The following NRXN3 variants were observed in gnomAD, a reference collection of about 807,000 sequenced individuals.
NRXN3 encodes neurexin III.
NRXN3 carries 32 observed loss-of-function variants against 137.6 expected under a neutral mutation model. The ratio of observed to expected loss-of-function variants is 0.23; its 90% confidence interval spans 0.18 to 0.31. The LOEUF is 0.31. NRXN3 is among the 10% of genes least tolerant of loss of function. The pLI, the probability that NRXN3 is intolerant of heterozygous loss-of-function variation, is 1.00. For synonymous variants in NRXN3, 798 were observed against 784.5 expected (o/e 1.02, Z -0.29); for missense variants, 1,574 against 2,062.5 (o/e 0.76, Z 4.59).
At chr14:78,253,114 G>A (rs1400780486) in intron 2 of NRXN3, among the ~76,000 whole-genome samples, 5 of 152,196 alleles carry the variant, frequency 3.3e-5, no homozygotes, top group Non-Finnish European at 7.3e-5. Context: ...CCCACAGTAT[G>A]TTTGCTCTGT....
chr14:79,030,342 A>G (rs2099605734), intron 15 of NRXN3, among the ~76,000 whole-genome samples: 1 of 151,826 alleles, frequency 6.6e-6, no homozygotes, highest in Admixed American at 6.6e-5. Flanking sequence ...TTCAGGATAG[A>G]CTGTTGTTAA....
At chr14:78,376,422 C>G (rs1233236856) in intron 4 of NRXN3, among the ~76,000 whole-genome samples, 1 of 152,164 alleles carries the variant, frequency 6.6e-6, no homozygotes, top group African/African-American at 2.4e-5. Flanking sequence ...TTTAAAAACA[C>G]TGCCACAGGG....
intron 16 of NRXN3, among the ~76,000 whole-genome samples, chr14:79,626,261 C>T (rs1358288366): frequency 6.6e-6 from 1 of 151,264 alleles, no homozygotes; most frequent in Non-Finnish European, 1.5e-5. Context: ...GGTCCCAGTG[C>T]CAGCCCAAGA....
At chr14:78,459,706 A>C (rs567202488) in intron 4 of NRXN3, among the ~76,000 whole-genome samples, 61 of 152,294 alleles carry the variant, frequency 4.0e-4, no homozygotes, top group African/African-American at 1.4e-3. Context: ...TGACTCAGGA[A>C]GTGTAAGCAT....
rs545030522 is a variant in NRXN3 at position 78,526,261 on chromosome 14, C to T, written c.758-118859C>T. Among the ~76,000 whole-genome samples, 14 of 152,284 alleles carry T rather than the reference C, an allele frequency of 9.2e-5. No homozygotes were observed. In the South Asian group the frequency reaches 1.0e-3, roughly 11 times the overall value. On this transcript the variant is annotated intron_variant, in intron 4 of 20. Transcript: ENST00000335750. Reference sequence around the variant, plus strand: ...ATGCCAGGCCATTGTGGACATCTGCCGTGCAGAATGACATCAAGTGGCTGT... The same window carrying T: ...ATGCCAGGCCATTGTGGACATCTGCTGTGCAGAATGACATCAAGTGGCTGT...
rs1603620571 is a variant in NRXN3 at position 79,861,106 on chromosome 14, A to G, written c.4094-236A>G. The G allele has an allele frequency of 1.0e-5, 15 of 1,458,260 alleles. No individual in the cohort carries two copies. The highest frequency in any genetic ancestry group is 9.0e-7 in the Non-Finnish European group (1 of 1,109,034). 90.3% of individuals were successfully genotyped at this position (1,458,260 alleles called of 1,614,324 possible). A position where few individuals can be genotyped will look rare whatever the true frequency, so the allele number is the denominator to read the frequency against. ...CTACCCCTCCTATTGCTACTCGTGCACCTTCCATTACACTCCCCCCTACCT... is the reference window on the plus strand; with the variant it reads ...CTACCCCTCCTATTGCTACTCGTGCGCCTTCCATTACACTCCCCCCTACCT... On this transcript the variant is annotated intron_variant, in intron 20 of 20. Coordinates refer to ENST00000335750, the MANE Select transcript of NRXN3 (RefSeq NM_001330195.2). The surrounding 1 kb of genome is among the most constrained non-coding windows in gnomAD (Gnocchi z 5.4).
chr14:79,851,723 C>T (rs2099391851), intron 20 of NRXN3, among the ~76,000 whole-genome samples: 1 of 152,118 alleles, frequency 6.6e-6, no homozygotes, highest in African/African-American at 2.4e-5. Flanking sequence ...CTGAATATAA[C>T]TCTTGTGATC....
At chr14:78,387,637 A>G (rs529892753) in intron 4 of NRXN3, among the ~76,000 whole-genome samples, 2 of 152,312 alleles carry the variant, frequency 1.3e-5, no homozygotes, top group South Asian at 4.1e-4. Flanking sequence ...GTCAATGAAT[A>G]GTGAGTTCCT....
intron 4 of NRXN3, among the ~76,000 whole-genome samples, chr14:78,337,237 G>A (rs1302045428): frequency 3.3e-5 from 5 of 152,236 alleles, no homozygotes; most frequent in African/African-American, 1.2e-4. Flanking sequence ...AGAGGGAGGT[G>A]CAGTTTCCCT....
chr14:79,440,999 AAATGCTTAGG>A (rs2095931748), intron 15 of NRXN3, among the ~76,000 whole-genome samples: 1 of 152,208 alleles, frequency 6.6e-6, no homozygotes, highest in Non-Finnish European at 1.5e-5. Context: ...GAAGTCGAAG[AAATGCTTAGG>A]TTAACCCAAC....
chr14:79,524,699 A>G (rs887303863), intron 16 of NRXN3, among the ~76,000 whole-genome samples: 5 of 152,226 alleles, frequency 3.3e-5, no homozygotes. Flanking sequence ...TCTCTGAAAA[A>G]TCAACTTGCA....
At chr14:78,700,154 A>C in intron 6 of NRXN3, among the ~76,000 whole-genome samples, 1 of 152,288 alleles carries the variant, frequency 6.6e-6, no homozygotes, top group African/African-American at 2.4e-5. Flanking sequence ...ATTGTGTCTC[A>C]TGGTCTATCC....
At chr14:78,728,761 A>G (rs1165482398) in intron 8 of NRXN3, among the ~76,000 whole-genome samples, 1 of 152,142 alleles carries the variant, frequency 6.6e-6, no homozygotes, top group Non-Finnish European at 1.5e-5. Context: ...TTAGCCAGGC[A>G]TGGTGGCAGG....
intron 9 of NRXN3, among the ~76,000 whole-genome samples, chr14:78,804,151 A>G (rs754569430): frequency 4.6e-5 from 7 of 152,212 alleles, no homozygotes; most frequent in African/African-American, 1.4e-4. Context: ...TCATATTCCC[A>G]TAAGTCCAAC....
At chr14:78,289,978 CAA>C (rs1002256337) in intron 3 of NRXN3, among the ~76,000 whole-genome samples, 4 of 152,170 alleles carry the variant, frequency 2.6e-5, no homozygotes, top group African/African-American at 9.7e-5. Flanking sequence ...GAGTTTTTTA[CAA>C]AGTTAGCTGC....
intron 15 of NRXN3, among the ~76,000 whole-genome samples, chr14:79,382,994 G>A (rs181680759): frequency 8.6e-4 from 130 of 150,558 alleles, no homozygotes; most frequent in Non-Finnish European, 1.5e-3. Context: ...AGGTGTGTGG[G>A]TGGGTGGGTG....
rs966006456 is a variant in NRXN3, at chr14:79,148,784, A to G, written c.3262+160643A>G. 1.3e-4 allele frequency among the ~76,000 whole-genome samples: 20 copies of G among 151,910 alleles called. 1 individual carries two copies. The highest frequency in any genetic ancestry group is 4.8e-4 in the African/African-American group (20 of 41,394). Reference sequence around the variant, plus strand: ...CATTCTCTGGCCCCTTCCACATATAACCCCTGGACTGCCTTACTAATTTCT... The same window carrying G: ...CATTCTCTGGCCCCTTCCACATATAGCCCCTGGACTGCCTTACTAATTTCT... On this transcript the variant is annotated intron_variant, in intron 15 of 20. Coordinates refer to ENST00000335750, the MANE Select transcript of NRXN3 (RefSeq NM_001330195.2).
chr14:78,686,265 G>A lies in NRXN3; in HGVS notation c.1222-22952G>A, dbSNP rs139302236. 1.7e-4 allele frequency among the ~76,000 whole-genome samples: 26 copies of A among 152,276 alleles called. No individual in the cohort carries two copies. The East Asian group carries it at 5.0e-3, about 29-fold the overall frequency. Reference sequence around the variant, plus strand: ...TTGCCTAATGAGTGGATCGATAAATGAATGATGACTATATTCTCTTGGCAC... The same window carrying A: ...TTGCCTAATGAGTGGATCGATAAATAAATGATGACTATATTCTCTTGGCAC... On this transcript the variant is annotated intron_variant, in intron 6 of 20. Transcript: ENST00000335750.
At chr14:79,296,557 T>G (rs1037826981) in intron 15 of NRXN3, among the ~76,000 whole-genome samples, 5 of 152,038 alleles carry the variant, frequency 3.3e-5, no homozygotes, top group Admixed American at 2.6e-4. Flanking sequence ...GGCTCTTTGA[T>G]GGAGGACGTT....
Sources: allele counts gnomAD v4.1 joint callset (sites outside exome capture counted in the v4.1 genomes callset), GRCh38; gene constraint gnomAD v4.1.1; non-coding constraint Gnocchi (gnomAD v3.1); transcripts MANE v1.5; gene names NCBI Gene and HGNC (gene_info 2026-07-23, HGNC 2026-07-21).